Variants in ARID1B observed in about 807,000 individuals in gnomAD.
ARID1B encodes the protein AT-rich interaction domain 1B.
ARID1B carries 30 observed loss-of-function variants against 212.3 expected under a neutral mutation model. That is an observed-to-expected ratio of 0.14 (90% CI 0.11 to 0.19). ARID1B has a LOEUF of 0.19. Among genes scored for constraint, ARID1B ranks in the 10% least tolerant of loss-of-function variants. The pLI, the probability that ARID1B is intolerant of heterozygous loss-of-function variation, is 1.00. For missense variants in ARID1B, 2,891 were observed against 3,204.0 expected, an observed-to-expected ratio of 0.90 and a Z score of 2.36; for synonymous variants, 1,402 against 1,301.7, an observed-to-expected ratio of 1.08 and a Z score of -1.66.
intron 4 of ARID1B, among the ~76,000 whole-genome samples, chr6:156,992,544 C>G (rs1778330494): frequency 6.6e-6 from 1 of 152,162 alleles, no homozygotes; most frequent in African/African-American, 2.4e-5. Flanking sequence ...TTTTCCTTAT[C>G]AGAAAAGGCA....
At chr6:157,063,495 T>G (rs1427823551) in intron 4 of ARID1B, among the ~76,000 whole-genome samples, 1 of 152,206 alleles carries the variant, frequency 6.6e-6, no homozygotes, top group East Asian at 1.9e-4. Context: ...TGTTAGATTT[T>G]TTTTTAGATA....
intron 4 of ARID1B, among the ~76,000 whole-genome samples, chr6:157,021,811 T>A (rs2128475940): frequency 6.6e-6 from 1 of 152,040 alleles, no homozygotes; most frequent in South Asian, 2.1e-4. Flanking sequence ...TGACACAGCT[T>A]CGCGTACACA....
chr6:156,862,831 C>G (rs1431910206), intron 2 of ARID1B, among the ~76,000 whole-genome samples: 5 of 152,244 alleles, frequency 3.3e-5, no homozygotes, highest in African/African-American at 1.2e-4. Context: ...CTAGATCACT[C>G]TTCCTGCTCA....
chr6:156,987,454 C>G (rs1400458809), intron 4 of ARID1B, among the ~76,000 whole-genome samples: 1 of 152,026 alleles, frequency 6.6e-6, no homozygotes, highest in Non-Finnish European at 1.5e-5. Flanking sequence ...GCTCAGCCTC[C>G]CAAGTAGCTG....
At position 156,818,562 on chromosome 6, in the gene ARID1B, T is replaced by C. The variant is rs183247025; in HGVS notation, c.1792-10665T>C. Among the ~76,000 whole-genome samples, 521 of 149,958 alleles carry C rather than the reference T, an allele frequency of 3.5e-3. 3 individuals are homozygous for C. Among genetic ancestry groups the C allele is most frequent in the African/African-American group, 0.013 (494 of 39,406 alleles). On this transcript the variant is annotated intron_variant, in intron 1 of 19. Coordinates refer to ENST00000636930, the MANE Select transcript of ARID1B (RefSeq NM_001374828.1). ...TTTGAATGGTTGTCTGAGGGAGGTA[T>C]TATTATTTTTACTTGAGAGGTGGGG...
intron 6 of ARID1B, among the ~76,000 whole-genome samples, chr6:157,126,870 C>T (rs758814364): frequency 6.6e-6 from 1 of 152,178 alleles, no homozygotes; most frequent in Non-Finnish European, 1.5e-5. Context: ...GAAAAGGTCA[C>T]ACCTTTTAAA....
At chr6:156,791,355 TATGGCATCAC>T (rs1411400973) in intron 1 of ARID1B, among the ~76,000 whole-genome samples, 2 of 152,256 alleles carry the variant, frequency 1.3e-5, no homozygotes, top group Non-Finnish European at 2.9e-5. Flanking sequence ...AGGTAATGTG[TATGGCATCAC>T]ATGATCAAAA....
intron 5 of ARID1B, among the ~76,000 whole-genome samples, chr6:157,090,710 C>T (rs1785223588): frequency 6.6e-6 from 1 of 152,252 alleles, no homozygotes; most frequent in South Asian, 2.1e-4. Context: ...TCACCTGCCA[C>T]CTGGCCTCTC....
Position 157,020,791 on chromosome 6 carries a change from A to AT in ARID1B, c.2248-63864dup, listed in dbSNP as rs1427930491. 5.3e-5 allele frequency among the ~76,000 whole-genome samples: 8 copies of AT among 152,238 alleles called. No homozygotes were observed. The East Asian group carries it at 1.2e-3, about 22-fold the overall frequency. ...ACTCTTGGTCATAACTCAATAAATT[A>AT]TTTTTTTAAGGAGTGGTACGTGAGT... On this transcript the variant is annotated intron_variant, in intron 4 of 19. Transcript: ENST00000636930.
rs980540915 is a variant in ARID1B, at chr6:156,778,792, A to C, written c.1112A>C (p.Glu371Ala). Residue 371 changes from glutamate (E) to alanine (A), a missense_variant, in exon 1 of 20, where the codon GAA becomes GCA. Glu to Ala is a moderately radical substitution (Grantham distance 107). This residue lies in a region of ARID1B where 1,643 missense variants were observed against 1,544.0 expected (regional missense o/e 1.06). Transcript: ENST00000636930. ...GSMDPLQNSH[E>A]GYPNSQCNHY... ...ATGGACCCCCTGCAGAACTCCCACG[A>C]AGGGTACCCCAACAGCCAGTGCAAC... The C allele has an allele frequency of 6.6e-7, 1 of 1,504,414 alleles. No individual in the cohort carries two copies. The highest frequency in any genetic ancestry group is 8.9e-7 in the Non-Finnish European group (1 of 1,124,182). 93.2% of individuals were successfully genotyped at this position (1,504,414 alleles called of 1,614,324 possible).
chr6:157,108,769 G>A (rs892922825), intron 5 of ARID1B, among the ~76,000 whole-genome samples: 1 of 152,288 alleles, frequency 6.6e-6, no homozygotes, highest in Non-Finnish European at 1.5e-5. Flanking sequence ...GATACTTAAC[G>A]AAGTCTATGC....
At chr6:157,009,280 A>G (rs775325696) in intron 4 of ARID1B, among the ~76,000 whole-genome samples, 2 of 152,344 alleles carry the variant, frequency 1.3e-5, no homozygotes, top group East Asian at 1.9e-4. Context: ...TGAGGCTTCA[A>G]GGTGGTAATG....
chr6:156,838,514 A>G (rs1783662768), intron 2 of ARID1B, among the ~76,000 whole-genome samples: 2 of 152,228 alleles, frequency 1.3e-5, no homozygotes, highest in South Asian at 4.2e-4. Context: ...GCGAGAGCGT[A>G]CCTGAAAGCA....
intron 5 of ARID1B, among the ~76,000 whole-genome samples, chr6:157,096,319 C>T (rs1206246382): frequency 1.3e-5 from 2 of 152,200 alleles, no homozygotes; most frequent in African/African-American, 4.8e-5. Context: ...AAAGAACTCA[C>T]AGTTCTCTTA....
intron 4 of ARID1B, chr6:157,071,820 C>G (rs73584006): frequency 6.6e-6 from 1 of 152,132 alleles, no homozygotes; most frequent in Non-Finnish European, 1.5e-5. Flanking sequence ...TTTATTTGTT[C>G]GTCTTTTGGG....
chr6:156,950,123 C>A (rs1263659074), intron 4 of ARID1B, among the ~76,000 whole-genome samples: 1 of 152,196 alleles, frequency 6.6e-6, no homozygotes, highest in Non-Finnish European at 1.5e-5. Context: ...ATAGTGGCTG[C>A]AGTGATTGGG....
At chr6:156,842,972 T>G (rs185212392) in intron 2 of ARID1B, among the ~76,000 whole-genome samples, 11 of 152,400 alleles carry the variant, frequency 7.2e-5, no homozygotes, top group Middle Eastern at 3.4e-3. Context: ...CCTTGCTGTG[T>G]GTGCAACACA....
chr6:157,076,311 G>GTT (rs200812500), intron 4 of ARID1B, among the ~76,000 whole-genome samples: 6 of 138,162 alleles, frequency 4.3e-5, no homozygotes, highest in East Asian at 2.3e-4. Context: ...TTGTTTGTTT[G>GTT]TTTTGTTTTT....
intron 8 of ARID1B, 157 bp from the exon 9 acceptor site, chr6:157,166,883 T>C: frequency 9.9e-7 from 1 of 1,013,512 alleles, no homozygotes; most frequent in Non-Finnish European, 1.4e-6. Context: ...AGCAATAGAA[T>C]TCAGCCTTTC....
Sources: gnomAD v4.1 joint callset for allele counts (sites outside exome capture counted in the v4.1 genomes callset) on GRCh38, gnomAD v4.1.1 for gene constraint, gnomAD v4.1.1 regional missense constraint, MANE v1.5 for transcripts, NCBI Gene and HGNC (gene_info 2026-07-23, HGNC 2026-07-21) for gene names.